NEDD9: variants seen among roughly 807,000 people sequenced by gnomAD.
NEDD9 encodes neural precursor cell expressed, developmentally down-regulated 9.
NEDD9 carries 26 observed loss-of-function variants against 76.6 expected under a neutral mutation model. The observed-to-expected ratio is 0.34, with a 90% CI of 0.25 to 0.47. The LOEUF (loss-of-function observed/expected upper bound fraction) is 0.47. Among genes scored for constraint, NEDD9 ranks in the 20% least tolerant of loss-of-function variants. The probability of loss-of-function intolerance (pLI) is 1.00; values close to 1 mark genes in which losing one functional copy is unlikely to be tolerated. For missense variants in NEDD9, 937 were observed against 1,058.5 expected (o/e 0.89, Z 1.59); for synonymous variants, 392 against 414.2 (o/e 0.95, Z 0.65).
intron 1 of NEDD9, among the ~76,000 whole-genome samples, chr6:11,334,859 A>T (rs760013434): frequency 6.6e-6 from 1 of 152,230 alleles, no homozygotes; most frequent in African/African-American, 2.4e-5. Context: ...CATTCGGCCC[A>T]GGAACCACTA....
In NEDD9 at chr6:11,241,783, C is replaced by T. The variant is rs1012497656; in HGVS notation, c.13-28056G>A. ...CCAAGAAGGCCTCCCTCCCGTGCCC[C>T]GCTGCCCTCATCAGCTGAGGCCGGC... On this transcript the variant is annotated intron_variant, in intron 3 of 3. Transcript: ENST00000397378. The surrounding 1 kb of genome is among the most constrained non-coding windows in gnomAD (Gnocchi z 4.0). 1.3e-5 allele frequency among the ~76,000 whole-genome samples: 2 copies of T among 152,234 alleles called. No homozygotes were observed. The highest frequency in any genetic ancestry group is 2.9e-5 in the Non-Finnish European group (2 of 68,026).
At position 11,324,200 on chromosome 6, in the gene NEDD9, C is replaced by T. The variant is rs1006668395; in HGVS notation, c.-153+10301G>A. Among the ~76,000 whole-genome samples the T allele has an allele frequency of 7.9e-5, 12 of 152,292 alleles. 1 individual carries two copies. In the South Asian group the frequency reaches 1.2e-3, roughly 16 times the overall value. On this transcript the variant is annotated intron_variant, in intron 2 of 3. Transcript: ENST00000397378. Reference sequence around the variant, plus strand: ...TTTTGTGGCTCTCTCCTGACACTGCCGGCTGAGTGTCTTAGTTAACCAGTA... The same window carrying T: ...TTTTGTGGCTCTCTCCTGACACTGCTGGCTGAGTGTCTTAGTTAACCAGTA...
intron 3 of NEDD9, among the ~76,000 whole-genome samples, chr6:11,267,538 G>T (rs1760222845): frequency 1.3e-5 from 2 of 152,326 alleles, no homozygotes; most frequent in South Asian, 4.1e-4. Flanking sequence ...AGAAGAGAAA[G>T]CTGGGCTTTT....
At chr6:11,292,718 C>T (rs949244935) in intron 3 of NEDD9, among the ~76,000 whole-genome samples, 5 of 152,132 alleles carry the variant, frequency 3.3e-5, no homozygotes, top group Non-Finnish European at 7.4e-5. Context: ...TTTTGGAATA[C>T]ACAGAATTTA....
intron 1 of NEDD9, among the ~76,000 whole-genome samples, chr6:11,347,724 T>G (rs779478893): frequency 2.0e-5 from 3 of 152,148 alleles, no homozygotes; most frequent in Non-Finnish European, 2.9e-5. Flanking sequence ...AAGAAAAAGC[T>G]TTCAATAAAA....
intron 3 of NEDD9, among the ~76,000 whole-genome samples, chr6:11,303,430 G>A (rs1225107404): frequency 2.0e-5 from 3 of 152,178 alleles, no homozygotes; most frequent in African/African-American, 7.2e-5. Flanking sequence ...TTATGAAAAC[G>A]TCCATACTTT....
At chr6:11,233,994 G>C (rs1240499175), upstream of NEDD9, among the ~76,000 whole-genome samples, 2 of 152,070 alleles carry the variant, frequency 1.3e-5, no homozygotes, top group Non-Finnish European at 2.9e-5. Flanking sequence ...AAAGGAATGA[G>C]AGAACAGCTG....
intron 3 of NEDD9, among the ~76,000 whole-genome samples, chr6:11,247,177 T>A (rs1165922702): frequency 6.6e-6 from 1 of 152,258 alleles, no homozygotes; most frequent in Non-Finnish European, 1.5e-5. Context: ...GAATGTCTTT[T>A]ACTTTGCTCT....
rs534738278 is a variant in NEDD9 at position 11,196,838 on chromosome 6, C to T, written c.460-3146G>A. Among the ~76,000 whole-genome samples the T allele has an allele frequency of 3.3e-5, 5 of 152,162 alleles. No homozygotes were observed. In the South Asian group the frequency reaches 6.2e-4, roughly 19 times the overall value. On this transcript the variant is annotated intron_variant, in intron 2 of 6. Transcript: ENST00000379446. ...TCCAGTGCAGCAATCCGCATTGTGA[C>T]GTGTGGAAGATCAGGGAGCTCGAAG...
In NEDD9 at chr6:11,232,548, A is replaced by T. The variant is rs768547317; in HGVS notation, c.-33T>A. 1.2e-6 allele frequency: 2 copies of T among 1,614,168 alleles called. No homozygotes were observed. The highest frequency in any genetic ancestry group is 8.5e-7 in the Non-Finnish European group (1 of 1,180,038). On this transcript the variant is annotated 5_prime_UTR_variant, in exon 1 of 7. Coordinates refer to ENST00000379446, the MANE Select transcript of NEDD9 (RefSeq NM_006403.4). ...GCGGTGGGTTGAGCCGTTTTCCTAC[A>T]CTAGTTAAGACAGCATTAAGCACTG...
At position 11,370,791 on chromosome 6, in the gene NEDD9, C is replaced by T. The variant is rs1358401985; in HGVS notation, c.-214+11348G>A. Among the ~76,000 whole-genome samples, 1 of 152,226 alleles carries T rather than the reference C, an allele frequency of 6.6e-6. No individual in the cohort carries two copies. The highest frequency in any genetic ancestry group is 1.9e-4 in the East Asian group (1 of 5,202). ...CAAAATAACGTCCTTCACCCACCCA[C>T]GGAGCCAACGGTTCAGAGGCAGAAA... On this transcript the variant is annotated intron_variant, in intron 1 of 3. Coordinates refer to the NEDD9 transcript ENST00000397378. The surrounding 1 kb of genome is among the most constrained non-coding windows in gnomAD (Gnocchi z 4.2).
chr6:11,377,569 G>C (rs985512783), intron 1 of NEDD9, among the ~76,000 whole-genome samples: 12 of 152,322 alleles, frequency 7.9e-5, no homozygotes, highest in Middle Eastern at 3.4e-3. Flanking sequence ...GGTAATGTTT[G>C]CCCAATATCT....
chr6:11,201,570 G>A (rs1758457234), intron 2 of NEDD9, among the ~76,000 whole-genome samples: 1 of 152,230 alleles, frequency 6.6e-6, no homozygotes, highest in African/African-American at 2.4e-5. Flanking sequence ...ATGGGAGACA[G>A]AGAGATGGGA....
intron 3 of NEDD9, among the ~76,000 whole-genome samples, chr6:11,302,124 C>T (rs1761062668): frequency 1.3e-5 from 2 of 150,650 alleles, no homozygotes; most frequent in African/African-American, 2.4e-5. Context: ...GCTAGCAAGA[C>T]CAATAAAAAA....
At position 11,232,499 on chromosome 6, in the gene NEDD9, C is replaced by G; in HGVS notation, c.12+5G>C. On this transcript the variant is annotated splice_donor_5th_base_variant and intron_variant, in intron 1 of 6. Transcript: ENST00000379446. ...CAAGGTAACCTGTAAAAGGCACTCT[C>G]TTACCTTATACTTCATTTCGGCAGC... 1 of 1,614,244 alleles carries G rather than the reference C, an allele frequency of 6.2e-7. No homozygotes were observed. The highest frequency in any genetic ancestry group is 8.5e-7 in the Non-Finnish European group (1 of 1,180,044).
At chr6:11,273,011 T>C (rs1213111387) in intron 3 of NEDD9, among the ~76,000 whole-genome samples, 1 of 152,000 alleles carries the variant, frequency 6.6e-6, no homozygotes, top group African/African-American at 2.4e-5. Context: ...CCCACAGAGA[T>C]AGGGTCTGGT....
intron 1 of NEDD9, among the ~76,000 whole-genome samples, chr6:11,221,923 T>A (rs1561794818): frequency 6.6e-6 from 1 of 152,222 alleles, no homozygotes; most frequent in Non-Finnish European, 1.5e-5. Context: ...GTGTTGGCAC[T>A]GGATCATATC....
chr6:11,318,549 A>G (rs1000588116), intron 2 of NEDD9, among the ~76,000 whole-genome samples: 1 of 152,154 alleles, frequency 6.6e-6, no homozygotes, highest in African/African-American at 2.4e-5. Flanking sequence ...TCTCATAGAA[A>G]CAAGGCTTCC....
chr6:11,292,543 T>C (rs186193079), intron 3 of NEDD9, among the ~76,000 whole-genome samples: 4 of 152,356 alleles, frequency 2.6e-5, no homozygotes, highest in Admixed American at 6.5e-5. Context: ...CGTCTTTGAA[T>C]AGGCTTCTCA....
Sources: gnomAD v4.1 joint callset for allele counts (sites outside exome capture counted in the v4.1 genomes callset) on GRCh38, gnomAD v4.1.1 for gene constraint, Gnocchi (gnomAD v3.1) non-coding constraint, MANE v1.5 for transcripts, NCBI Gene and HGNC (gene_info 2026-07-23, HGNC 2026-07-21) for gene names.